The following SLC2A13 variants were observed in gnomAD, a reference collection of about 807,000 sequenced individuals.
The protein encoded by SLC2A13 is solute carrier family 2 member 13.
A neutral mutation model predicts 64.4 loss-of-function variants in SLC2A13; 32 were observed. That is an observed-to-expected ratio of 0.50 (90% CI 0.37 to 0.67). SLC2A13 has a LOEUF of 0.67. SLC2A13 is among the 30% of genes least tolerant of loss of function. SLC2A13 has a pLI of 0.00. For missense variants in SLC2A13, 743 were observed against 829.2 expected (o/e 0.90, Z 1.28); for synonymous variants, 338 against 327.1 (o/e 1.03, Z -0.36).
intron 6 of SLC2A13, among the ~76,000 whole-genome samples, chr12:39,859,914 T>C (rs760697907): frequency 1.3e-5 from 2 of 152,176 alleles, no homozygotes; most frequent in African/African-American, 4.8e-5. Flanking sequence ...GTCTAAAATA[T>C]AGCAAGATCT....
intron 4 of SLC2A13, among the ~76,000 whole-genome samples, chr12:39,927,202 CT>C (rs1284435465): frequency 6.6e-6 from 1 of 152,138 alleles, no homozygotes; most frequent in African/African-American, 2.4e-5. Flanking sequence ...ACACCCATTC[CT>C]TTTATGAAAT....
At chr12:40,030,676 T>C (rs570638991) in intron 2 of SLC2A13, among the ~76,000 whole-genome samples, 26 of 152,296 alleles carry the variant, frequency 1.7e-4, no homozygotes, top group African/African-American at 6.3e-4. Context: ...ACTCTGCTAC[T>C]TGCTATTAAA....
chr12:40,085,003 C>T (rs1373806941), intron 1 of SLC2A13, among the ~76,000 whole-genome samples: 1 of 152,178 alleles, frequency 6.6e-6, no homozygotes, highest in Non-Finnish European at 1.5e-5. Flanking sequence ...ATGGTTTAAT[C>T]AATTATGCCT....
intron 3 of SLC2A13, among the ~76,000 whole-genome samples, chr12:40,018,533 A>G (rs973648419): frequency 6.6e-6 from 1 of 152,212 alleles, no homozygotes; most frequent in Non-Finnish European, 1.5e-5. Flanking sequence ...TAATACCAGC[A>G]TCTATTGGAC....
rs1047098976 is a variant in SLC2A13, at chr12:39,823,731, G to A, written c.1445+6372C>T. ...CTCGAGTAGCTGGGACTACAGGAAT[G>A]TGCCACCTCACCTGGCTTCTTCCAA... On this transcript the variant is annotated intron_variant, in intron 7 of 9. Coordinates refer to ENST00000280871, the MANE Select transcript of SLC2A13 (RefSeq NM_052885.4). Among the ~76,000 whole-genome samples the A allele has an allele frequency of 7.9e-5, 12 of 152,252 alleles. No homozygotes were observed. The East Asian group carries it at 2.1e-3, about 27-fold the overall frequency.
chr12:39,762,043 T>C (rs1350646049), intron 9 of SLC2A13, among the ~76,000 whole-genome samples: 2 of 152,086 alleles, frequency 1.3e-5, no homozygotes, highest in African/African-American at 4.8e-5. Context: ...AGCTGAATAA[T>C]ATCAAGGAAT....
At chr12:40,103,917 CT>C (rs1939220675) in intron 1 of SLC2A13, among the ~76,000 whole-genome samples, 1 of 152,144 alleles carries the variant, frequency 6.6e-6, no homozygotes, top group Admixed American at 6.5e-5. Flanking sequence ...GAGCTTTGCC[CT>C]ACCTTTGCTA....
chr12:39,891,180 C>G (rs144263257), intron 4 of SLC2A13, among the ~76,000 whole-genome samples: 149 of 149,180 alleles, frequency 1.0e-3, no homozygotes, highest in African/African-American at 3.4e-3. Flanking sequence ...TCTGGGAAAC[C>G]TTCACCAGCT....
intron 2 of SLC2A13, among the ~76,000 whole-genome samples, chr12:40,033,077 A>G (rs2136221477): frequency 6.6e-6 from 1 of 152,306 alleles, no homozygotes; most frequent in South Asian, 2.1e-4. Context: ...TACTCCCATG[A>G]TTTCACAACA....
At chr12:39,960,053 G>T (rs956203204) in intron 3 of SLC2A13, among the ~76,000 whole-genome samples, 3 of 152,072 alleles carry the variant, frequency 2.0e-5, no homozygotes, top group African/African-American at 7.2e-5. Flanking sequence ...TAGCTATATT[G>T]TTAGCATTGT....
At chr12:39,809,612 C>A (rs991888160) in intron 7 of SLC2A13, among the ~76,000 whole-genome samples, 1 of 152,096 alleles carries the variant, frequency 6.6e-6, no homozygotes, top group Admixed American at 6.6e-5. Context: ...CCCATTAACT[C>A]GTCATTTAGC....
chr12:39,911,983 T>A (rs1287585466), intron 4 of SLC2A13, among the ~76,000 whole-genome samples: 1 of 151,998 alleles, frequency 6.6e-6, no homozygotes. Context: ...TTCTGACACT[T>A]ACCACACAGC....
intron 3 of SLC2A13, among the ~76,000 whole-genome samples, chr12:40,006,158 C>A (rs185919495): frequency 6.6e-6 from 1 of 152,098 alleles, no homozygotes; most frequent in Non-Finnish European, 1.5e-5. Context: ...AAATTAATAA[C>A]GCAGGATTAA....
intron 7 of SLC2A13, among the ~76,000 whole-genome samples, chr12:39,820,097 A>G (rs1028416019): frequency 2.0e-5 from 3 of 152,128 alleles, no homozygotes; most frequent in African/African-American, 7.2e-5. Context: ...TCTTTCCCCT[A>G]TAACTCATTT....
chr12:39,868,051 TTTAG>T (rs1380598725), intron 5 of SLC2A13, among the ~76,000 whole-genome samples: 1 of 152,228 alleles, frequency 6.6e-6, no homozygotes, highest in Non-Finnish European at 1.5e-5. Context: ...TTTACTTATA[TTTAG>T]TTAGTTACAG....
At chr12:40,024,814 A>C (rs1359035378) in intron 3 of SLC2A13, among the ~76,000 whole-genome samples, 1 of 152,182 alleles carries the variant, frequency 6.6e-6, no homozygotes, top group Non-Finnish European at 1.5e-5. Flanking sequence ...ATCCTAAAAA[A>C]ACAGACCTTG....
intron 3 of SLC2A13, among the ~76,000 whole-genome samples, chr12:39,996,196 CAA>C (rs1232008199): frequency 6.6e-6 from 1 of 152,088 alleles, no homozygotes; most frequent in Non-Finnish European, 1.5e-5. Flanking sequence ...TATGTTTTAG[CAA>C]AGAGACTGGC....
At chr12:40,066,735 A>G (rs1210322629) in intron 1 of SLC2A13, among the ~76,000 whole-genome samples, 1 of 152,186 alleles carries the variant, frequency 6.6e-6, no homozygotes, top group African/African-American at 2.4e-5. Flanking sequence ...AAGAGGCGGA[A>G]GATTGCTTTG....
At chr12:39,985,476 A>C (rs1947014880) in intron 3 of SLC2A13, among the ~76,000 whole-genome samples, 1 of 152,116 alleles carries the variant, frequency 6.6e-6, no homozygotes, top group Non-Finnish European at 1.5e-5. Flanking sequence ...TGTGTCTCTA[A>C]ATAGCTTCTG....
Sources: gnomAD v4.1 joint callset for allele counts (sites outside exome capture counted in the v4.1 genomes callset) on GRCh38, gnomAD v4.1.1 for gene constraint, MANE v1.5 for transcripts, NCBI Gene and HGNC (gene_info 2026-07-23, HGNC 2026-07-21) for gene names.